The following PDE1A variants were observed in gnomAD, a reference collection of about 807,000 sequenced individuals.
PDE1A encodes the protein phosphodiesterase 1A.
In PDE1A, 35 loss-of-function variants were observed where a neutral mutation model predicts 61.7. The observed-to-expected ratio is 0.57, with a 90% CI of 0.43 to 0.75. PDE1A has a LOEUF of 0.75. Among genes scored for constraint, PDE1A ranks in the 30% least tolerant of loss-of-function variants. PDE1A has a pLI of 0.00. For synonymous variants in PDE1A, 232 were observed against 213.2 expected, an observed-to-expected ratio of 1.09 and a Z score of -0.77; for missense variants, 597 against 630.6, an observed-to-expected ratio of 0.95 and a Z score of 0.57.
chr2:182,308,691 T>C (rs969803161), intron 1 of PDE1A, among the ~76,000 whole-genome samples: 2 of 152,122 alleles, frequency 1.3e-5, no homozygotes, highest in Admixed American at 1.3e-4. Context: ...TCCAATTGTA[T>C]GTTTTTATAT....
chr2:182,285,505 G>A (rs1048411166), intron 1 of PDE1A, among the ~76,000 whole-genome samples: 1 of 151,996 alleles, frequency 6.6e-6, no homozygotes, highest in East Asian at 1.9e-4. Flanking sequence ...TTATGTCTAA[G>A]GACACTTAGC....
At chr2:182,634,830 T>G in the PDE1A span, among the ~76,000 whole-genome samples, 1 of 152,252 alleles carries the variant, frequency 6.6e-6, no homozygotes, top group Non-Finnish European at 1.5e-5. Flanking sequence ...ATATGGATGA[T>G]GATTCATCTT....
intron 2 of PDE1A, among the ~76,000 whole-genome samples, chr2:182,248,580 A>C (rs1289231586): frequency 6.6e-6 from 1 of 150,738 alleles, no homozygotes; most frequent in Admixed American, 6.6e-5. Context: ...TTATATTTTG[A>C]ACTAAAAAGT....
At chr2:182,558,978 A>G in the PDE1A span, among the ~76,000 whole-genome samples, 2 of 152,324 alleles carry the variant, frequency 1.3e-5, no homozygotes, top group South Asian at 2.1e-4. Context: ...ATCATCGCTA[A>G]TATCAAAGCC....
chr2:182,639,191 A>G, the PDE1A span, among the ~76,000 whole-genome samples: 5 of 152,220 alleles, frequency 3.3e-5, no homozygotes, highest in Admixed American at 3.3e-4. Flanking sequence ...AGGCGAAAAT[A>G]CAAGAAGGCA....
intron 2 of PDE1A, among the ~76,000 whole-genome samples, chr2:182,443,293 GTTTAA>G (rs1559468187): frequency 6.6e-6 from 1 of 151,480 alleles, no homozygotes; most frequent in Non-Finnish European, 1.5e-5. Context: ...TGGTCAAACT[GTTTAA>G]TTTATATTAC....
At chr2:182,680,963 G>A in the PDE1A span, among the ~76,000 whole-genome samples, 5 of 152,146 alleles carry the variant, frequency 3.3e-5, no homozygotes, top group African/African-American at 1.2e-4. Flanking sequence ...GAAAAGGGGT[G>A]GTAACTTCCA....
chr2:182,257,186 T>C (rs1054703815), intron 2 of PDE1A, among the ~76,000 whole-genome samples: 3 of 152,236 alleles, frequency 2.0e-5, no homozygotes, highest in African/African-American at 7.2e-5. Context: ...TACTCAAGTT[T>C]TCCTTAACTA....
In PDE1A at chr2:182,277,759, A is replaced by G. The variant is rs1322440922; in HGVS notation, c.54-13345T>C. 2.0e-5 allele frequency among the ~76,000 whole-genome samples: 3 copies of G among 152,116 alleles called. No individual in the cohort carries two copies. In the East Asian group the frequency reaches 5.8e-4, roughly 29 times the overall value. ...GAAGTTTTTCTCATTTAACTGAGGT[A>G]AGCACAGTTCCATCTATATTGAGAT... On this transcript the variant is annotated intron_variant, in intron 1 of 13. Coordinates refer to ENST00000351439, the Ensembl canonical transcript of PDE1A.
chr2:182,658,062 A>AC, the PDE1A span, among the ~76,000 whole-genome samples: 9 of 114,992 alleles, frequency 7.8e-5, no homozygotes, highest in African/African-American at 9.1e-5. Context: ...AAAAAAAAAA[A>AC]AAAAAAAAAA....
the PDE1A span, among the ~76,000 whole-genome samples, chr2:182,591,453 T>C: frequency 6.6e-6 from 1 of 152,168 alleles, no homozygotes; most frequent in South Asian, 2.1e-4. Flanking sequence ...CAGAACCGGG[T>C]GGCAGAATCC....
rs1047214229 is a variant in PDE1A, at chr2:182,463,134, G to A, written c.101+59142C>T. ...CATGCACCTGTAGTACCAGCTACTC[G>A]GGAGGCTGAGGCGAGAATCCCTTGA... On this transcript the variant is annotated intron_variant, in intron 2 of 14. Coordinates refer to the PDE1A transcript ENST00000410103. Among the ~76,000 whole-genome samples the A allele has an allele frequency of 5.9e-5, 9 of 152,092 alleles. No homozygotes were observed. The South Asian group carries it at 6.2e-4, about 11-fold the overall frequency.
At chr2:182,641,134 A>G in the PDE1A span, among the ~76,000 whole-genome samples, 4 of 152,084 alleles carry the variant, frequency 2.6e-5, no homozygotes, top group East Asian at 5.8e-4. Flanking sequence ...CTAGGTACAC[A>G]TTTTTATAGA....
chr2:182,417,355 T>A (rs1156711071), intron 1 of PDE1A, among the ~76,000 whole-genome samples: 1 of 152,228 alleles, frequency 6.6e-6, no homozygotes. Context: ...GGTTTTCAAG[T>A]GTGGCTTAGG....
the PDE1A span, among the ~76,000 whole-genome samples, chr2:182,610,169 C>T: frequency 6.6e-6 from 1 of 152,110 alleles, no homozygotes; most frequent in Non-Finnish European, 1.5e-5. Context: ...TTTCCCCACT[C>T]AGCCTATTAG....
chr2:182,480,790 C>G (rs551878334), intron 2 of PDE1A, among the ~76,000 whole-genome samples: 30 of 151,992 alleles, frequency 2.0e-4, no homozygotes, highest in African/African-American at 5.5e-4. Context: ...CATGTACATA[C>G]ACAAACACAC....
At chr2:182,305,410 A>C (rs1477413183) in intron 1 of PDE1A, among the ~76,000 whole-genome samples, 1 of 152,116 alleles carries the variant, frequency 6.6e-6, no homozygotes, top group Non-Finnish European at 1.5e-5. Flanking sequence ...TAAATAGATG[A>C]GCCTGTGTTT....
rs187578972 is a variant in PDE1A at position 182,446,703 on chromosome 2, A to G, written c.101+75573T>C. On this transcript the variant is annotated intron_variant, in intron 2 of 14. Transcript: ENST00000410103. ...TACACATGTGGACTGTTGAGTTCAA[A>G]TGATTAAATATTAAGTTTATGTGCC... Among the ~76,000 whole-genome samples, 83 of 152,198 alleles carry G rather than the reference A, an allele frequency of 5.5e-4. No homozygotes were observed. The Middle Eastern group carries it at 0.017, about 31-fold the overall frequency.
intron 2 of PDE1A, among the ~76,000 whole-genome samples, chr2:182,464,066 T>C (rs1052664015): frequency 2.0e-5 from 3 of 152,156 alleles, no homozygotes; most frequent in Non-Finnish European, 4.4e-5. Flanking sequence ...TGCTACTCTA[T>C]GAAAGCTCTC....
Sources: gnomAD v4.1 joint callset for allele counts (sites outside exome capture counted in the v4.1 genomes callset) on GRCh38, gnomAD v4.1.1 for gene constraint, MANE v1.5 for transcripts, NCBI Gene and HGNC (gene_info 2026-07-23, HGNC 2026-07-21) for gene names.